The following TAFA2 variants were observed in gnomAD, a reference collection of about 807,000 sequenced individuals.
The protein encoded by TAFA2 is TAFA chemokine like family member 2.
A neutral mutation model predicts 18.8 loss-of-function variants in TAFA2; 7 were observed. The observed-to-expected ratio is 0.37, with a 90% CI of 0.21 to 0.70. The LOEUF (loss-of-function observed/expected upper bound fraction) is 0.70, where lower values mean the gene tolerates loss of function less well. TAFA2 is among the 30% of genes least tolerant of loss of function. The pLI, the probability that TAFA2 is intolerant of heterozygous loss-of-function variation, is 0.53. For synonymous variants in TAFA2, 60 were observed against 54.2 expected (o/e 1.11, Z -0.47); for missense variants, 122 against 158.1 (o/e 0.77, Z 1.23).
chr12:62,068,597 T>C (rs1380991455), intron 1 of TAFA2, among the ~76,000 whole-genome samples: 1 of 152,114 alleles, frequency 6.6e-6, no homozygotes, highest in East Asian at 1.9e-4. Context: ...GCCAGTCAAA[T>C]CATCAGAGGG....
chr12:61,743,191 T>C (rs983689978), intron 4 of TAFA2, among the ~76,000 whole-genome samples: 13 of 152,154 alleles, frequency 8.5e-5, no homozygotes, highest in Middle Eastern at 3.4e-3. Context: ...TTCTATTCCG[T>C]CATGCCTTCA....
chr12:61,744,031 A>T (rs577733119), intron 4 of TAFA2, among the ~76,000 whole-genome samples: 2 of 152,174 alleles, frequency 1.3e-5, no homozygotes, highest in African/African-American at 4.8e-5. Flanking sequence ...ACCAGGTAAA[A>T]GTGTTGCCTC....
intron 1 of TAFA2, among the ~76,000 whole-genome samples, chr12:62,010,861 G>A (rs567638110): frequency 1.3e-4 from 16 of 126,802 alleles, no homozygotes; most frequent in East Asian, 5.5e-4. Context: ...GGTGGGGAGC[G>A]CCTCTGCCCG....
chr12:62,133,636 T>C (rs988697532), intron 1 of TAFA2, among the ~76,000 whole-genome samples: 2 of 152,072 alleles, frequency 1.3e-5, no homozygotes, highest in African/African-American at 2.4e-5. Flanking sequence ...AGTTCTCTTA[T>C]CTTCCCCTTG....
At chr12:61,935,659 A>C (rs1011117027) in intron 1 of TAFA2, among the ~76,000 whole-genome samples, 1 of 152,172 alleles carries the variant, frequency 6.6e-6, no homozygotes, top group African/African-American at 2.4e-5. Context: ...TCATTTTTTG[A>C]AAGATCAACT....
intron 1 of TAFA2, among the ~76,000 whole-genome samples, chr12:62,002,793 T>G (rs1407509897): frequency 6.6e-6 from 1 of 152,228 alleles, no homozygotes; most frequent in Non-Finnish European, 1.5e-5. Context: ...ATTCTTCATT[T>G]TGTTGTTACC....
intron 4 of TAFA2, among the ~76,000 whole-genome samples, chr12:61,716,140 G>C (rs1378689685): frequency 6.6e-6 from 1 of 152,106 alleles, no homozygotes; most frequent in Non-Finnish European, 1.5e-5. Context: ...TGCTAAAGAA[G>C]TATTAACTAT....
intron 1 of TAFA2, among the ~76,000 whole-genome samples, chr12:62,251,262 G>A (rs2062912391): frequency 6.6e-6 from 1 of 152,190 alleles, no homozygotes; most frequent in Non-Finnish European, 1.5e-5. Flanking sequence ...TGCAGATCTA[G>A]TAAACTTGTG....
chr12:61,738,532 A>T (rs895678001), intron 4 of TAFA2, among the ~76,000 whole-genome samples: 1 of 152,086 alleles, frequency 6.6e-6, no homozygotes, highest in Non-Finnish European at 1.5e-5. Context: ...TGATAAGTCC[A>T]TAAGAGATGT....
chr12:61,973,333 C>CA (rs1370317863), intron 1 of TAFA2, among the ~76,000 whole-genome samples: 1 of 151,352 alleles, frequency 6.6e-6, no homozygotes, highest in Non-Finnish European at 1.5e-5. Context: ...ACATATCCCC[C>CA]AAGGATGACT....
At chr12:61,926,584 A>G (rs1300310723) in intron 1 of TAFA2, among the ~76,000 whole-genome samples, 3 of 152,238 alleles carry the variant, frequency 2.0e-5, no homozygotes. Context: ...AAATTGAACC[A>G]ATTACAAAAA....
intron 2 of TAFA2, among the ~76,000 whole-genome samples, chr12:61,808,522 T>G (rs1871723565): frequency 6.6e-6 from 1 of 151,410 alleles, no homozygotes; most frequent in Non-Finnish European, 1.5e-5. Flanking sequence ...AAACTAACCT[T>G]AAAATATGAT....
At chr12:61,973,224 ATGT>A (rs1304263254) in intron 1 of TAFA2, among the ~76,000 whole-genome samples, 1 of 151,618 alleles carries the variant, frequency 6.6e-6, no homozygotes, top group Non-Finnish European at 1.5e-5. Context: ...GCACATACAA[ATGT>A]TGTAAGATAA....
upstream of TAFA2, chr12:62,259,049 A>G (rs2137000167): frequency 6.3e-6 from 1 of 157,810 alleles, no homozygotes; most frequent in South Asian, 1.4e-4. Flanking sequence ...TACACAAATC[A>G]TAATGCCAAT....
rs557554179 is a variant in TAFA2 at position 62,026,295 on chromosome 12, G to A, written c.-1-158869C>T. Among the ~76,000 whole-genome samples the A allele has an allele frequency of 3.9e-5, 6 of 152,222 alleles. No homozygotes were observed. The East Asian group carries it at 1.2e-3, about 29-fold the overall frequency. On this transcript the variant is annotated intron_variant, in intron 1 of 4. Transcript: ENST00000416284. ...TGAATAGATATCCAGTCAGAGTCAC[G>A]TAAAGAAGACAGAAAGAAAAACATA...
At chr12:62,228,470 C>T (rs1321644296) in intron 1 of TAFA2, among the ~76,000 whole-genome samples, 2 of 152,174 alleles carry the variant, frequency 1.3e-5, no homozygotes, top group Non-Finnish European at 2.9e-5. Context: ...AAACTGCTTT[C>T]CACAGAGGCT....
rs182897706 is a variant in TAFA2, at chr12:61,852,992, T to C, written c.106+14328A>G. On this transcript the variant is annotated intron_variant, in intron 2 of 4. Transcript: ENST00000416284. ...CAGATCTAACATACAGGATAGCAAC[T>C]ATAGTTAGCAATGTATTTTATACTT... Among the ~76,000 whole-genome samples the C allele has an allele frequency of 2.0e-4, 30 of 152,304 alleles. No individual in the cohort carries two copies. In the East Asian group the frequency reaches 5.0e-3, roughly 25 times the overall value.
At chr12:62,072,230 C>T (rs889620212) in intron 1 of TAFA2, among the ~76,000 whole-genome samples, 2 of 149,748 alleles carry the variant, frequency 1.3e-5, no homozygotes, top group African/African-American at 2.5e-5. Flanking sequence ...TTTGGAAGGC[C>T]GAGGCGGGCG....
At chr12:62,235,772 G>A (rs2062834372) in intron 1 of TAFA2, among the ~76,000 whole-genome samples, 1 of 151,632 alleles carries the variant, frequency 6.6e-6, no homozygotes, top group East Asian at 1.9e-4. Context: ...TTGTTTTTTA[G>A]AGATGGGGTC....
Sources: allele counts gnomAD v4.1 joint callset (sites outside exome capture counted in the v4.1 genomes callset), GRCh38; gene constraint gnomAD v4.1.1; transcripts MANE v1.5; gene names NCBI Gene and HGNC (gene_info 2026-07-23, HGNC 2026-07-21).